The following CYBRD1 variants were observed in gnomAD, a reference collection of about 807,000 sequenced individuals.
CYBRD1 encodes the protein plasma membrane ascorbate-dependent reductase CYBRD1.
In CYBRD1, 14 loss-of-function variants were observed where a neutral mutation model predicts 21.9. The observed-to-expected ratio is 0.64, with a 90% confidence interval of 0.42 to 1.00. CYBRD1 has a LOEUF of 1.00. Ranked by LOEUF, CYBRD1 falls within the 50% of genes least tolerant of loss-of-function variation. The probability of loss-of-function intolerance (pLI) is 0.00; values close to 1 mark genes in which losing one functional copy is unlikely to be tolerated. For missense variants in CYBRD1, 328 were observed against 352.5 expected (o/e 0.93, Z 0.56); for synonymous variants, 146 against 136.5 (o/e 1.07, Z -0.48).
chr2:171,553,966 G>A (rs985273398), intron 3 of CYBRD1, among the ~76,000 whole-genome samples: 1 of 152,156 alleles, frequency 6.6e-6, no homozygotes, highest in African/African-American at 2.4e-5. Flanking sequence ...CCACAGGGCG[G>A]GAGTGGCCTG....
chr2:171,538,733 G>A (rs950071914), intron 1 of CYBRD1, among the ~76,000 whole-genome samples: 1 of 152,124 alleles, frequency 6.6e-6, no homozygotes, highest in African/African-American at 2.4e-5. Flanking sequence ...GTTTAGATGT[G>A]TTTCTGTCTG....
intron 2 of CYBRD1, among the ~76,000 whole-genome samples, chr2:171,548,770 TAA>T (rs55810777): frequency 2.5e-4 from 29 of 115,986 alleles, no homozygotes; most frequent in Admixed American, 5.6e-4. Flanking sequence ...TTACACACAC[TAA>T]AAAAAAAAAA....
chr2:171,525,535 TAC>T (rs761087809), intron 1 of CYBRD1, among the ~76,000 whole-genome samples: 96 of 152,238 alleles, frequency 6.3e-4, no homozygotes, highest in South Asian at 1.0e-3. Context: ...ACCCACATGT[TAC>T]AGACTCGCCA....
At position 171,551,101 on chromosome 2, in the gene CYBRD1, C is replaced by T. The variant is rs141350935; in HGVS notation, c.403-2245C>T. ...CATCCACAGTAGCTGGGACCACAGA[C>T]GTGCACCACCATGCCCAGCTAATTT... On this transcript the variant is annotated intron_variant, in intron 2 of 3. Coordinates refer to ENST00000321348, the MANE Select transcript of CYBRD1 (RefSeq NM_024843.4). 1,415 of 180,888 alleles carry T rather than the reference C, an allele frequency of 7.8e-3. 7 individuals are homozygous for T. The highest frequency in any genetic ancestry group is 0.019 in the Middle Eastern group (8 of 416). 11.2% of individuals were successfully genotyped at this position (180,888 alleles called of 1,614,324 possible).
chr2:171,556,029 G>C lies in CYBRD1; in HGVS notation c.*1202G>C, dbSNP rs963274464. On this transcript the variant is annotated 3_prime_UTR_variant, in exon 4 of 4. Transcript: ENST00000321348. ...TGTGGCAGATTCCCCAGATAACCAA[G>C]GAAAAGGGGCCACCCATACCTGGAA... 1 of 152,208 alleles carries C rather than the reference G, an allele frequency of 6.6e-6. No homozygotes were observed. The highest frequency in any genetic ancestry group is 1.5e-5 in the Non-Finnish European group (1 of 68,036). 9.4% of individuals were successfully genotyped at this position (152,208 alleles called of 1,614,324 possible).
intron 3 of CYBRD1, among the ~76,000 whole-genome samples, chr2:171,554,176 T>C (rs72884380): frequency 0.28 from 42,234 of 152,030 alleles, 6,834 homozygotes; most frequent in Non-Finnish European, 0.38. Context: ...GCAAAGGGAG[T>C]AGCCTCGGGT....
chr2:171,527,563 C>T (rs1463884721), intron 1 of CYBRD1, among the ~76,000 whole-genome samples: 1 of 152,214 alleles, frequency 6.6e-6, no homozygotes. Context: ...CTGGCTTAGT[C>T]AACCTCCAGG....
At chr2:171,524,785 T>C (rs1697360593) in intron 1 of CYBRD1, among the ~76,000 whole-genome samples, 1 of 152,258 alleles carries the variant, frequency 6.6e-6, no homozygotes, top group Non-Finnish European at 1.5e-5. Flanking sequence ...TTTGAAACTC[T>C]TCATTCATGT....
intron 2 of CYBRD1, among the ~76,000 whole-genome samples, chr2:171,543,219 C>A (rs1697662649): frequency 6.6e-6 from 1 of 152,174 alleles, no homozygotes; most frequent in South Asian, 2.1e-4. Flanking sequence ...AGGCCAGTAT[C>A]AAGGTGTCAG....
intron 2 of CYBRD1, among the ~76,000 whole-genome samples, chr2:171,544,462 A>T (rs1697680792): frequency 6.6e-6 from 1 of 152,164 alleles, no homozygotes. Context: ...ATATCATCTT[A>T]TGCTTTCTAC....
intron 1 of CYBRD1, among the ~76,000 whole-genome samples, chr2:171,523,763 C>G (rs191094359): frequency 6.6e-6 from 1 of 152,182 alleles, no homozygotes; most frequent in African/African-American, 2.4e-5. Flanking sequence ...TTCGGTTTGC[C>G]GTGTAGCTGG....
At chr2:171,538,709 A>G (rs1559316592) in intron 1 of CYBRD1, among the ~76,000 whole-genome samples, 2 of 152,206 alleles carry the variant, frequency 1.3e-5, no homozygotes, top group Non-Finnish European at 2.9e-5. Flanking sequence ...CTGAATTCAC[A>G]TCGGTCTTTG....
At chr2:171,544,715 A>G (rs896952911) in intron 2 of CYBRD1, among the ~76,000 whole-genome samples, 3 of 152,232 alleles carry the variant, frequency 2.0e-5, no homozygotes, top group Non-Finnish European at 2.9e-5. Flanking sequence ...TACAAAGCCA[A>G]TTGCATCCTA....
In CYBRD1 at chr2:171,553,525, G is replaced by C. The variant is rs764213877; in HGVS notation, c.557+25G>C. On this transcript the variant is annotated intron_variant, in intron 3 of 3. Transcript: ENST00000321348. ...TGTAAGTTGCATAGTCTTCTTAATT[G>C]TAATACTTAAGCCACAAAATGTTAA... is the stretch of plus-strand genomic sequence containing the variant. The C allele has an allele frequency of 1.9e-6, 3 of 1,597,092 alleles. No homozygotes were observed. The East Asian group carries it at 6.7e-5, about 36-fold the overall frequency.
At chr2:171,527,512 C>T (rs1360832569) in intron 1 of CYBRD1, among the ~76,000 whole-genome samples, 1 of 152,224 alleles carries the variant, frequency 6.6e-6, no homozygotes, top group African/African-American at 2.4e-5. Context: ...CACACCCTCG[C>T]TTTTCCCTAG....
At position 171,525,862 on chromosome 2, in the gene CYBRD1, G is replaced by A. The variant is rs1371397206; in HGVS notation, c.193+3124G>A. ...CTTGGGAGGCTGAGGCAGGAGAATT[G>A]CTTGAACTCGGGAAACGGAGGTTGC... On this transcript the variant is annotated intron_variant, in intron 1 of 3. Transcript: ENST00000321348. 2.0e-5 allele frequency among the ~76,000 whole-genome samples: 3 copies of A among 148,866 alleles called. No homozygotes were observed. In the East Asian group the frequency reaches 6.0e-4, roughly 30 times the overall value.
chr2:171,548,390 A>C (rs1697749165), intron 2 of CYBRD1, among the ~76,000 whole-genome samples: 1 of 152,236 alleles, frequency 6.6e-6, no homozygotes, highest in African/African-American at 2.4e-5. Flanking sequence ...AGAAAAGCCT[A>C]TGAATGGTCA....
intron 1 of CYBRD1, among the ~76,000 whole-genome samples, chr2:171,529,847 A>G (rs976711852): frequency 6.6e-6 from 1 of 152,234 alleles, no homozygotes; most frequent in African/African-American, 2.4e-5. Context: ...AGGGATAGGT[A>G]GTGGGTTGAA....
intron 2 of CYBRD1, among the ~76,000 whole-genome samples, chr2:171,550,143 G>A (rs576147313): frequency 2.6e-5 from 4 of 152,146 alleles, no homozygotes; most frequent in African/African-American, 9.6e-5. Context: ...ACAGAGCTTT[G>A]CTCTGTCACC....
Sources: allele counts gnomAD v4.1 joint callset (sites outside exome capture counted in the v4.1 genomes callset), GRCh38; gene constraint gnomAD v4.1.1; transcripts MANE v1.5; gene names NCBI Gene and HGNC (gene_info 2026-07-23, HGNC 2026-07-21).